Variants in HS1BP3 observed in about 807,000 individuals in gnomAD.
HS1BP3 encodes the protein HCLS1-binding protein 3.
A neutral mutation model predicts 33.5 loss-of-function variants in HS1BP3; 32 were observed. That is an observed-to-expected ratio of 0.95 (90% confidence interval 0.72 to 1.28). HS1BP3 has a LOEUF of 1.28. Among genes scored for constraint, HS1BP3 ranks in the 50% most tolerant of loss-of-function variants. HS1BP3 has a pLI of 0.00. For synonymous variants in HS1BP3, 187 were observed against 209.2 expected (o/e 0.89, Z 0.92); for missense variants, 486 against 502.3 (o/e 0.97, Z 0.31).
chr2:20,557,844 G>A (rs189200143), downstream of HS1BP3, among the ~76,000 whole-genome samples: 241 of 152,298 alleles, frequency 1.6e-3, 2 homozygotes, highest in Admixed American at 0.015. Context: ...TGGGTTTAGG[G>A]CAACAAGAGG....
chr2:20,649,726 C>T (rs778530333), intron 1 of HS1BP3, among the ~76,000 whole-genome samples: 22 of 152,170 alleles, frequency 1.4e-4, no homozygotes, highest in Non-Finnish European at 2.8e-4. Flanking sequence ...TGGGCTAAGG[C>T]GTTTGGACTC....
At chr2:20,590,460 GC>G (rs1171584793), downstream of HS1BP3, among the ~76,000 whole-genome samples, 1 of 152,176 alleles carries the variant, frequency 6.6e-6, no homozygotes, top group Non-Finnish European at 1.5e-5. Flanking sequence ...ATGCCTCTGG[GC>G]CCTGCCTCAC....
chr2:20,577,379 T>C (rs1056318074), intron 5 of HS1BP3, among the ~76,000 whole-genome samples: 1 of 151,982 alleles, frequency 6.6e-6, no homozygotes, highest in Non-Finnish European at 1.5e-5. Flanking sequence ...TTCCCAACCA[T>C]TGGCTGGGGA....
intron 6 of HS1BP3, 133 bp from the exon 7 acceptor site, chr2:20,619,378 C>T (rs1045328058): frequency 9.7e-5 from 73 of 750,580 alleles, no homozygotes; most frequent in Non-Finnish European, 1.0e-4. Context: ...GTCAAGGCCC[C>T]GCCCTGCTCT....
At chr2:20,630,681 ACAAGAG>A (rs371230137) in intron 4 of HS1BP3, among the ~76,000 whole-genome samples, 27 of 152,360 alleles carry the variant, frequency 1.8e-4, no homozygotes, top group African/African-American at 6.3e-4. Flanking sequence ...AGAAGCAATC[ACAAGAG>A]TGAGAATCAC....
Position 20,618,826 on chromosome 2 carries a change from C to T in HS1BP3, c.*161G>A, listed in dbSNP as rs576265957. On this transcript the variant is annotated 3_prime_UTR_variant, in exon 7 of 7. Coordinates refer to ENST00000304031, the MANE Select transcript of HS1BP3 (RefSeq NM_022460.4). ...GGCTTCTACTTTGGCCCCACAGCCC[C>T]GGAGAAAATGGAACCATGCAGTTCT... is the stretch of plus-strand genomic sequence containing the variant. 3.7e-5 allele frequency: 52 copies of T among 1,422,542 alleles called. 1 individual carries two copies. The East Asian group carries it at 5.9e-4, about 16-fold the overall frequency. The allele number at this position is 1,422,542 out of a possible 1,614,324, so 88.1% of individuals were successfully genotyped here. A position where few individuals can be genotyped will look rare whatever the true frequency, so the allele number is the denominator to read the frequency against.
intron 5 of HS1BP3, among the ~76,000 whole-genome samples, chr2:20,583,643 C>A (rs539351316): frequency 3.0e-4 from 46 of 152,324 alleles, no homozygotes; most frequent in Non-Finnish European, 4.7e-4. Context: ...GGAGGAGGCA[C>A]CAGCCCACAT....
chr2:20,565,754 C>G (rs1192085096), intron 5 of HS1BP3, among the ~76,000 whole-genome samples: 1 of 152,244 alleles, frequency 6.6e-6, no homozygotes, highest in Non-Finnish European at 1.5e-5. Context: ...AAGCCAAAGC[C>G]ACCAGGCAGG....
intron 5 of HS1BP3, among the ~76,000 whole-genome samples, chr2:20,575,091 G>A (rs573808826): frequency 2.3e-4 from 35 of 152,364 alleles, no homozygotes; most frequent in Non-Finnish European, 4.4e-4. Flanking sequence ...TAAGGACAAA[G>A]CCCGGGACTT....
At chr2:20,600,380 C>A (rs1409236321) in intron 2 of HS1BP3, among the ~76,000 whole-genome samples, 1 of 152,132 alleles carries the variant, frequency 6.6e-6, no homozygotes, top group African/African-American at 2.4e-5. Context: ...AACCACAAAG[C>A]GCCATTATTA....
downstream of HS1BP3, among the ~76,000 whole-genome samples, chr2:20,617,575 C>G (rs1694457333): frequency 6.6e-6 from 1 of 152,150 alleles, no homozygotes; most frequent in Non-Finnish European, 1.5e-5. Context: ...AGCTGAGACA[C>G]TCAACACTGA....
chr2:20,558,415 C>G (rs530159413), downstream of HS1BP3, among the ~76,000 whole-genome samples: 9 of 152,282 alleles, frequency 5.9e-5, no homozygotes, highest in African/African-American at 2.2e-4. Flanking sequence ...TCTCATTCAT[C>G]TGCACCCTCC....
Position 20,611,096 on chromosome 2 carries a change from G to T in HS1BP3, c.178+12800C>A, listed in dbSNP as rs542644505. 6.6e-6 allele frequency among the ~76,000 whole-genome samples: 1 copy of T among 152,354 alleles called. No homozygotes were observed. The highest frequency in any genetic ancestry group is 2.4e-5 in the African/African-American group (1 of 41,576). On this transcript the variant is annotated intron_variant, in intron 2 of 3. Transcript: ENST00000415264. The surrounding 1 kb of genome is among the most constrained non-coding windows in gnomAD (Gnocchi z 4.9). Reference sequence around the variant, plus strand: ...CTGGCTTCTTTCACTTAGCATGTTTGTGATATCCATTGTGGTATGTCTGTT... The same window carrying T: ...CTGGCTTCTTTCACTTAGCATGTTTTTGATATCCATTGTGGTATGTCTGTT...
intron 5 of HS1BP3, among the ~76,000 whole-genome samples, chr2:20,572,410 G>A (rs778279463): frequency 2.7e-4 from 41 of 152,176 alleles, no homozygotes; most frequent in Non-Finnish European, 5.4e-4. Context: ...TCCTGTCCCC[G>A]TACCCTACTC....
chr2:20,644,349 G>A (rs1393915017), intron 2 of HS1BP3, among the ~76,000 whole-genome samples: 2 of 152,040 alleles, frequency 1.3e-5, no homozygotes, highest in African/African-American at 4.8e-5. Flanking sequence ...TTCCTCCTCA[G>A]CCCTTCTCTC....
intron 2 of HS1BP3, among the ~76,000 whole-genome samples, chr2:20,601,260 C>A (rs111858623): frequency 2.6e-5 from 4 of 152,288 alleles, no homozygotes; most frequent in African/African-American, 9.6e-5. Flanking sequence ...AGTATCTAGA[C>A]TTGCTTTTTA....
At chr2:20,602,217 G>A (rs948745582) in intron 2 of HS1BP3, among the ~76,000 whole-genome samples, 1 of 151,484 alleles carries the variant, frequency 6.6e-6, no homozygotes, top group Admixed American at 6.6e-5. Context: ...GAGCCATGCG[G>A]GGGGAATTTA....
At chr2:20,598,261 C>A in exon 3 of HS1BP3, 1 of 426,910 alleles carries the variant, frequency 2.3e-6, no homozygotes, top group Non-Finnish European at 4.8e-6. Context: ...ACTAGATGGT[C>A]CCACCTTCAG....
At chr2:20,616,576 G>C (rs1694430448), downstream of HS1BP3, among the ~76,000 whole-genome samples, 1 of 152,160 alleles carries the variant, frequency 6.6e-6, no homozygotes, top group Non-Finnish European at 1.5e-5. Context: ...TTTCTACATG[G>C]GTCTTGGCTG....
Sources: allele counts gnomAD v4.1 joint callset (sites outside exome capture counted in the v4.1 genomes callset), GRCh38; gene constraint gnomAD v4.1.1; non-coding constraint Gnocchi (gnomAD v3.1); transcripts MANE v1.5; gene names NCBI Gene and HGNC (gene_info 2026-07-23, HGNC 2026-07-21).